The following CDH4 variants were observed in gnomAD, a reference collection of about 807,000 sequenced individuals.
CDH4 encodes the protein cadherin-4.
Under a neutral mutation model 86.0 loss-of-function variants are expected in CDH4, and 33 were observed. The ratio of observed to expected loss-of-function variants is 0.38; its 90% CI spans 0.29 to 0.51. The LOEUF is 0.51. Ranked by LOEUF, CDH4 falls within the 20% of genes least tolerant of loss-of-function variation. The probability of loss-of-function intolerance (pLI) is 0.86; values close to 1 mark genes in which losing one functional copy is unlikely to be tolerated. For synonymous variants in CDH4, 555 were observed against 549.4 expected (o/e 1.01, Z -0.14); for missense variants, 1,114 against 1,307.4 (o/e 0.85, Z 2.28).
intron 2 of CDH4, among the ~76,000 whole-genome samples, chr20:61,389,266 C>T (rs796471211): frequency 4.6e-5 from 7 of 152,332 alleles, no homozygotes; most frequent in African/African-American, 1.2e-4. Flanking sequence ...CTGGCTTTTC[C>T]GCCTTGACCA....
intron 3 of CDH4, among the ~76,000 whole-genome samples, chr20:61,750,340 T>C (rs947880345): frequency 6.6e-6 from 1 of 152,186 alleles, no homozygotes; most frequent in African/African-American, 2.4e-5. Flanking sequence ...TTGGGGATAT[T>C]ATATACAATT....
intron 2 of CDH4, among the ~76,000 whole-genome samples, chr20:61,524,222 A>G (rs1340657759): frequency 6.6e-6 from 1 of 152,124 alleles, no homozygotes; most frequent in East Asian, 1.9e-4. Flanking sequence ...TCCTGTTTCT[A>G]CCTGGAATGC....
intron 2 of CDH4, among the ~76,000 whole-genome samples, chr20:61,714,346 C>T (rs1243230559): frequency 6.6e-6 from 1 of 152,136 alleles, no homozygotes; most frequent in African/African-American, 2.4e-5. Context: ...ACGCCGAGAA[C>T]CATTGTCTAT....
At chr20:61,572,163 C>T (rs2086346819) in intron 2 of CDH4, among the ~76,000 whole-genome samples, 1 of 152,136 alleles carries the variant, frequency 6.6e-6, no homozygotes, top group South Asian at 2.1e-4. Flanking sequence ...TCTGGGGGGC[C>T]TCTCTTGGGC....
chr20:61,444,327 G>A (rs368644895), intron 2 of CDH4, among the ~76,000 whole-genome samples: 3 of 99,152 alleles, frequency 3.0e-5, no homozygotes, highest in Non-Finnish European at 4.2e-5. Flanking sequence ...GTATCTGCAC[G>A]TGTGTTTCTC....
chr20:61,618,169 C>T (rs145111510), intron 2 of CDH4, among the ~76,000 whole-genome samples: 5 of 152,142 alleles, frequency 3.3e-5, no homozygotes, highest in African/African-American at 9.6e-5. Context: ...GTGCTGGCCT[C>T]GGCTGGGTGG....
chr20:61,563,995 C>G (rs1458871186), intron 2 of CDH4, among the ~76,000 whole-genome samples: 1 of 152,180 alleles, frequency 6.6e-6, no homozygotes, highest in Admixed American at 6.5e-5. Context: ...ATTCTGCCCT[C>G]TCCTTCCCTC....
At position 61,633,795 on chromosome 20, in the gene CDH4, T is replaced by C. The variant is rs145499674; in HGVS notation, c.170-109768T>C. On this transcript the variant is annotated intron_variant, in intron 2 of 15. Transcript: ENST00000614565. ...TGCACAGAGCTCAGTCCAGGGCTGG[T>C]GCTCAGTGATGTAGCCTGCAGTTAA... Among the ~76,000 whole-genome samples the C allele has an allele frequency of 3.2e-4, 49 of 152,318 alleles. 2 individuals carry two copies. In the East Asian group the frequency reaches 9.1e-3, roughly 28 times the overall value.
intron 2 of CDH4, among the ~76,000 whole-genome samples, chr20:61,661,470 C>CTTT (rs11472090): frequency 0.019 from 2,153 of 115,028 alleles, 45 homozygotes; most frequent in Middle Eastern, 0.054. Flanking sequence ...TGCTTTCTGA[C>CTTT]TTTTTTTTTT....
chr20:61,710,648 A>T (rs2087879971), intron 2 of CDH4, among the ~76,000 whole-genome samples: 1 of 152,204 alleles, frequency 6.6e-6, no homozygotes, highest in Non-Finnish European at 1.5e-5. Context: ...GGCCCTGGTG[A>T]GGAAGGGGCA....
chr20:61,428,526 GAGAA>G (rs1361444648), intron 2 of CDH4, among the ~76,000 whole-genome samples: 2 of 152,188 alleles, frequency 1.3e-5, no homozygotes, highest in African/African-American at 4.8e-5. Flanking sequence ...AGTAGAATAG[GAGAA>G]AGACACTGTG....
chr20:61,408,774 A>G (rs1015461708), intron 2 of CDH4, among the ~76,000 whole-genome samples: 7 of 152,094 alleles, frequency 4.6e-5, no homozygotes, highest in African/African-American at 1.7e-4. Flanking sequence ...TATTTTTTAT[A>G]TGGGGCCCAT....
chr20:61,324,507 C>A (rs998837353), intron 2 of CDH4, among the ~76,000 whole-genome samples: 1 of 152,116 alleles, frequency 6.6e-6, no homozygotes, highest in Non-Finnish European at 1.5e-5. Context: ...CTCAGATGCT[C>A]CAGTATCTGC....
Position 61,279,111 on chromosome 20 carries a change from G to A in CDH4, c.169+24174G>A, listed in dbSNP as rs117928060. Among the ~76,000 whole-genome samples the A allele has an allele frequency of 1.4e-4, 21 of 152,326 alleles. No homozygotes were observed. The East Asian group carries it at 2.5e-3, about 18-fold the overall frequency. On this transcript the variant is annotated intron_variant, in intron 2 of 15. Transcript: ENST00000614565. The stretch of plus-strand genomic sequence containing the variant: ...GAGAAGCCAAGTAGGCATGACTGAC[G>A]TTCCTGAGAGCTGCCCCATTAAAGT...
intron 2 of CDH4, among the ~76,000 whole-genome samples, chr20:61,264,534 G>A (rs1415398217): frequency 7.1e-6 from 1 of 140,522 alleles, no homozygotes; most frequent in African/African-American, 2.8e-5. Context: ...ATACCCCAGT[G>A]GCTCCTTCAT....
intron 2 of CDH4, among the ~76,000 whole-genome samples, chr20:61,590,892 C>T (rs1484012039): frequency 6.6e-6 from 1 of 150,836 alleles, no homozygotes; most frequent in African/African-American, 2.4e-5. Flanking sequence ...GGGGGGTCCC[C>T]GGGTCTCCAG....
chr20:61,761,960 C>T (rs1198124487), intron 3 of CDH4, among the ~76,000 whole-genome samples: 1 of 152,242 alleles, frequency 6.6e-6, no homozygotes, highest in Non-Finnish European at 1.5e-5. Flanking sequence ...CAGCTCCGCA[C>T]AGCAGGACCA....
chr20:61,414,307 A>T (rs1482048371), intron 2 of CDH4, among the ~76,000 whole-genome samples: 6 of 152,230 alleles, frequency 3.9e-5, no homozygotes, highest in African/African-American at 7.2e-5. Context: ...CTCAGCCCTG[A>T]TGCCTGCAGG....
At chr20:61,372,424 GC>G (rs1223111144) in intron 2 of CDH4, among the ~76,000 whole-genome samples, 1 of 152,238 alleles carries the variant, frequency 6.6e-6, no homozygotes, top group Non-Finnish European at 1.5e-5. Flanking sequence ...CTGCTGAGCA[GC>G]TGTACTGTGG....
Sources: allele counts gnomAD v4.1 joint callset (sites outside exome capture counted in the v4.1 genomes callset), GRCh38; gene constraint gnomAD v4.1.1; transcripts MANE v1.5; gene names NCBI Gene and HGNC (gene_info 2026-07-23, HGNC 2026-07-21).